The following CELSR2 variants were observed in gnomAD, a reference collection of about 807,000 sequenced individuals.
CELSR2 encodes EGF-like protein 2.
A neutral mutation model predicts 251.6 loss-of-function variants in CELSR2; 81 were observed. The observed-to-expected ratio is 0.32, with a 90% CI of 0.27 to 0.39. The LOEUF is 0.39. CELSR2 is among the 10% of genes least tolerant of loss of function. The pLI is 1.00. For synonymous variants in CELSR2, 1,721 were observed against 1,670.5 expected (o/e 1.03, Z -0.74); for missense variants, 3,365 against 3,947.7 (o/e 0.85, Z 3.96).
Position 109,250,190 on chromosome 1 carries a change from T to C in CELSR2, c.111T>C (p.Cys37=), listed in dbSNP as rs748712984. 1.2e-6 allele frequency: 2 copies of C among 1,600,782 alleles called. No homozygotes were observed. The highest frequency in any genetic ancestry group is 8.5e-7 in the Non-Finnish European group (1 of 1,175,308). The change falls in exon 1 of 34, where the codon TGT becomes TGC. Residue 37 remains cysteine (C), a synonymous_variant. Transcript: ENST00000271332. This position sits in a 1 kb window ranked among gnomAD's most constrained non-coding sequence, Gnocchi z 4.4. ...TATTGGGAGACCAAGTGGGGCCCTG[T>C]CGTTCCTTGGGGTCCAGGGGACGAG... ...PPLLGDQVGP[C]RSLGSRGRGS... is the part of the protein sequence containing the mutation.
At position 109,272,723 on chromosome 1, in the gene CELSR2, A is replaced by C. The variant is rs1346287417; in HGVS notation, c.8138A>C (p.Gln2713Pro). The part of the protein sequence containing the change: ...GSLFLEGQDQ[Q>P]HDPDTDSDSD... ...CTGTTCCTGGAAGGTCAAGACCAGC[A>C]GCATGGTGAGGACAGAACGCTCTGG... Residue 2713 changes from glutamine to proline, a missense_variant, in exon 30 of 34, where the codon CAG (glutamine) becomes CCG (proline). Gln to Pro is a moderately conservative substitution (Grantham distance 76). Coordinates refer to ENST00000271332, the MANE Select transcript of CELSR2 (RefSeq NM_001408.3). 3 of 1,613,830 alleles carry C rather than the reference A, an allele frequency of 1.9e-6. No individual in the cohort carries two copies. The East Asian group carries it at 6.7e-5, about 36-fold the overall frequency.
intron 1 of CELSR2, among the ~76,000 whole-genome samples, chr1:109,255,588 G>A (rs2101240295): frequency 6.6e-6 from 1 of 152,356 alleles, no homozygotes; most frequent in East Asian, 1.9e-4. Context: ...ACATCTGCCA[G>A]GGGAAGAGAG....
At position 109,273,026 on chromosome 1, in the gene CELSR2, G is replaced by C. The variant is rs1351549800; in HGVS notation, c.8337G>C (p.Lys2779Asn). The C allele has an allele frequency of 1.9e-6, 3 of 1,609,636 alleles. No homozygotes were observed. The highest frequency in any genetic ancestry group is 2.2e-5 in the South Asian group (2 of 90,590). Reference protein sequence around the residue: ...AERLPLHSTPKDGGPGPGKAP... With the variant: ...AERLPLHSTPNDGGPGPGKAP... ...GACTGCCCCTGCACAGTACTCCCAA[G>C]GGTGGGCCAGCACTGGGGCTGTGGC... The change falls in exon 31 of 34, where the codon AAG becomes AAC. Residue 2779 changes from lysine (K) to asparagine (N), a missense_variant and splice_region_variant. Transcript: ENST00000271332.
chr1:109,273,290 G>C lies in CELSR2; in HGVS notation c.8463G>C (p.Glu2821Asp), dbSNP rs1557738325. ...AGAATGGAGATGCCCTGTCTCGAGA[G>C]GGGTCCCTAGGCCCCCTTCCAGGCT... ...LRENGDALSR[E>D]GSLGPLPGSS... Residue 2821 changes from glutamate to aspartate, a missense_variant, in exon 32 of 34, where the codon GAG (glutamate) becomes GAC (aspartate). Coordinates refer to ENST00000271332, the MANE Select transcript of CELSR2 (RefSeq NM_001408.3). The C allele has an allele frequency of 1.2e-6, 2 of 1,603,238 alleles. No homozygotes were observed. The highest frequency in any genetic ancestry group is 2.2e-5 in the East Asian group (1 of 44,786).
In CELSR2 at chr1:109,250,734, A is replaced by G. The variant is rs1655663003; in HGVS notation, c.655A>G (p.Thr219Ala). The change falls in exon 1 of 34, where the codon ACC becomes GCC. Residue 219 changes from threonine to alanine, a missense_variant. Thr to Ala is a moderately conservative substitution (Grantham distance 58, BLOSUM62 0). Transcript: ENST00000271332. This position sits in a 1 kb window ranked among gnomAD's most constrained non-coding sequence, Gnocchi z 4.4. ...DEGEAGRLEY[T>A]MDALFDSRSN... ...GGGTGAGGCAGGTCGACTGGAGTAC[A>G]CCATGGATGCCCTCTTTGATAGCCG... 4 of 1,614,044 alleles carry G rather than the reference A, an allele frequency of 2.5e-6. No individual in the cohort carries two copies. The highest frequency in any genetic ancestry group is 1.6e-4 in the Middle Eastern group (1 of 6,062).
chr1:109,256,978 C>A (rs548746544), intron 1 of CELSR2, among the ~76,000 whole-genome samples: 2 of 152,164 alleles, frequency 1.3e-5, no homozygotes, highest in South Asian at 4.1e-4. Flanking sequence ...TTTTAAAGTC[C>A]GTTTATTCTT....
Position 109,252,520 on chromosome 1 carries a change from A to G in CELSR2, c.2441A>G (p.Gln814Arg). Residue 814 changes from glutamine (Q) to arginine (R), a missense_variant, in exon 1 of 34, where the codon CAG becomes CGG. This residue lies in a region of CELSR2 where 505 missense variants were observed against 660.0 expected (regional missense o/e 0.77). Coordinates refer to ENST00000271332, the MANE Select transcript of CELSR2 (RefSeq NM_001408.3). This position sits in a 1 kb window ranked among gnomAD's most constrained non-coding sequence, Gnocchi z 4.8. ...AACGACGTGAATGACAATGCCCCTC[A>G]GTTCCTGCGAGACTCCTACCAGGGC... The part of the protein sequence containing the change: ...LVNDVNDNAP[Q>R]FLRDSYQGSV... The G allele has an allele frequency of 6.2e-7, 1 of 1,613,890 alleles. No individual in the cohort carries two copies. Among genetic ancestry groups the G allele is most frequent in the Non-Finnish European group, 8.5e-7 (1 of 1,180,034 alleles).
Position 109,250,553 on chromosome 1 carries a change from A to G in CELSR2, c.474A>G (p.Ala158=), listed in dbSNP as rs766482667. The G allele has an allele frequency of 2.4e-5, 38 of 1,613,864 alleles. No individual in the cohort carries two copies. Among genetic ancestry groups the G allele is most frequent in the Admixed American group, 3.3e-5 (2 of 60,008 alleles). Residue 158 remains alanine, a synonymous_variant, in exon 1 of 34, where the codon GCA becomes GCG. Coordinates refer to ENST00000271332, the MANE Select transcript of CELSR2 (RefSeq NM_001408.3). The surrounding 1 kb of genome is among the most constrained non-coding windows in gnomAD (Gnocchi z 4.4). ...TGGCACAGGCCCCCGGGCTCAGGGC[A>G]GGGGAAAGGTCACCAGAAGAGTCCC... is the stretch of plus-strand genomic sequence containing the variant. ...CKLAQAPGLR[A]GERSPEESLG...
rs145491260 is a variant in CELSR2, at chr1:109,263,188, T to C, written c.4755T>C (p.Asn1585=). Residue 1585 remains asparagine, a synonymous_variant, in exon 8 of 34, where the codon AAT becomes AAC. Coordinates refer to ENST00000271332, the MANE Select transcript of CELSR2 (RefSeq NM_001408.3). The stretch of plus-strand genomic sequence containing the variant: ...TGTGTGACAGCAACACTTGCCACAA[T>C]GGGGGCACTTGCGTGAACCAGTGGG... ...KNVCDSNTCH[N]GGTCVNQWDA... 1.8e-4 allele frequency: 292 copies of C among 1,600,618 alleles called. 1 individual carries two copies. The African/African-American group carries it at 1.9e-3, about 10-fold the overall frequency.
Position 109,270,004 on chromosome 1 carries a change from C to T in CELSR2, c.7179C>T (p.Leu2393=). The T allele has an allele frequency of 6.2e-7, 1 of 1,614,108 alleles. No individual in the cohort carries two copies. The highest frequency in any genetic ancestry group is 8.5e-7 in the Non-Finnish European group (1 of 1,180,018). Residue 2393 remains leucine, a synonymous_variant, in exon 23 of 34, where the codon CTC becomes CTT. Transcript: ENST00000271332. ...GTGTCACCTTGGCTGCCCTTCTGCT[C>T]ACCTTCTTCTTCCTCACTCTCTTGC... is the stretch of plus-strand genomic sequence containing the variant. The part of the protein sequence containing the change: ...ALGVTLAALL[L]TFFFLTLLRI...
At chr1:109,253,412 C>T in intron 1 of CELSR2, 23 bp downstream of exon 1, 1 of 1,603,548 alleles carries the variant, frequency 6.2e-7, no homozygotes, top group South Asian at 1.1e-5. Flanking sequence ...CCAGGTGGCG[C>T]TGGGGTGGGG....
chr1:109,262,199 G>A, intron 5 of CELSR2, 88 bp from the exon 6 acceptor site: 1 of 1,540,412 alleles, frequency 6.5e-7, no homozygotes, highest in Non-Finnish European at 8.8e-7. Flanking sequence ...GCATGTGGGT[G>A]CACACAGAGG....
In CELSR2 at chr1:109,273,329, T is replaced by C. The variant is rs752110224; in HGVS notation, c.8502T>C (p.Pro2834=). The change falls in exon 32 of 34, where the codon CCT becomes CCC. Residue 2834 remains proline, a synonymous_variant. Transcript: ENST00000271332. ...CCCTTCCAGGCTCTTCTGCCCAGCC[T>C]CACAAAGGTGAGTGGGGCACCCCCA... is the stretch of plus-strand genomic sequence containing the variant. ...LGPLPGSSAQ[P]HKGILKKKCL... is the part of the protein sequence containing the mutation. 5.6e-6 allele frequency: 9 copies of C among 1,598,514 alleles called. No individual in the cohort carries two copies. The South Asian group carries it at 1.0e-4, about 18-fold the overall frequency.
rs1656457129 is a variant in CELSR2, at chr1:109,274,108, C to T, written c.*59C>T. The T allele has an allele frequency of 1.9e-6, 3 of 1,613,402 alleles. No individual in the cohort carries two copies. Among genetic ancestry groups the T allele is most frequent in the Non-Finnish European group, 2.5e-6 (3 of 1,179,996 alleles). On this transcript the variant is annotated 3_prime_UTR_variant, in exon 34 of 34. Coordinates refer to ENST00000271332, the MANE Select transcript of CELSR2 (RefSeq NM_001408.3). ...TTCCCTTCCCCAGCCGCACTCATGC[C>T]CTGCTCCTGTCTTGTGCTTTATCCT... is the stretch of plus-strand genomic sequence containing the variant.
rs780576887 is a variant in CELSR2, at chr1:109,261,271, G to A, written c.4181+7G>A. 6.2e-7 allele frequency: 1 copy of A among 1,611,698 alleles called. No individual in the cohort carries two copies. Among genetic ancestry groups the A allele is most frequent in the South Asian group, 1.1e-5 (1 of 90,940 alleles). On this transcript the variant is annotated splice_region_variant and intron_variant, in intron 3 of 33. Transcript: ENST00000271332. The surrounding 1 kb of genome is among the most constrained non-coding windows in gnomAD (Gnocchi z 4.8). ...ACTTCACCCTGGCCCTCTCGTGAGT[G>A]GCTGGGCACTGGGGGTGGGGAGTGG... is the stretch of plus-strand genomic sequence containing the variant.
chr1:109,272,239 C>G (rs768995973), intron 28 of CELSR2, 39 bp from the exon 29 acceptor site: 1 of 1,529,322 alleles, frequency 6.5e-7, no homozygotes, highest in Non-Finnish European at 8.8e-7. Flanking sequence ...GGCCAGCCAT[C>G]CCACTCCCCA....
At chr1:109,268,789 A>G (rs1656279868) in intron 18 of CELSR2, 25 bp downstream of exon 18, 1 of 1,586,520 alleles carries the variant, frequency 6.3e-7, no homozygotes, top group Non-Finnish European at 8.6e-7. Flanking sequence ...TGGGTTGGGG[A>G]GGGGTTTGTG....
chr1:109,264,129 T>C lies in CELSR2; in HGVS notation c.5053T>C (p.Ser1685Pro). ...CGTGGAGGGCACAGGGCTTCAGGCC[T>C]CCTCTCTCCGTCTGGAGCCAGGCCG... ...LSVEGTGLQA[S>P]SLRLEPGRAN... Residue 1685 changes from serine to proline, a missense_variant, in exon 10 of 34, where the codon TCC (serine) becomes CCC (proline). Ser to Pro is a moderately conservative substitution (Grantham distance 74). Transcript: ENST00000271332. The C allele has an allele frequency of 6.2e-7, 1 of 1,603,714 alleles. No individual in the cohort carries two copies. Among genetic ancestry groups the C allele is most frequent in the Non-Finnish European group, 8.5e-7 (1 of 1,172,188 alleles).
At position 109,259,032 on chromosome 1, in the gene CELSR2, G is replaced by A. The variant is rs768104721; in HGVS notation, c.3911G>A (p.Arg1304His). Residue 1304 changes from arginine to histidine, a missense_variant, in exon 2 of 34, where the codon CGC becomes CAC. Coordinates refer to ENST00000271332, the MANE Select transcript of CELSR2 (RefSeq NM_001408.3). ...CCCTGTGGCCCCCACGGGCGCTGCC[G>A]CAGCCGCGAGGGCGGCTACACCTGC... Reference protein sequence around the residue: ...SRPCGPHGRCRSREGGYTCLC... With the variant: ...SRPCGPHGRCHSREGGYTCLC... 7 of 1,596,764 alleles carry A rather than the reference G, an allele frequency of 4.4e-6. No homozygotes were observed. Among genetic ancestry groups the A allele is most frequent in the East Asian group, 2.2e-5 (1 of 44,548 alleles).
Sources: allele counts gnomAD v4.1 joint callset (sites outside exome capture counted in the v4.1 genomes callset), GRCh38; gene constraint gnomAD v4.1.1; regional missense constraint gnomAD v4.1.1; non-coding constraint Gnocchi (gnomAD v3.1); transcripts MANE v1.5; gene names NCBI Gene and HGNC (gene_info 2026-07-23, HGNC 2026-07-21).